Variants in MAML3 observed in about 807,000 individuals in gnomAD.
MAML3 encodes mastermind like transcriptional coactivator 3.
In MAML3, 27 loss-of-function variants were observed where a neutral mutation model predicts 101.9. The observed-to-expected ratio is 0.27, with a 90% CI of 0.20 to 0.37. The LOEUF is 0.37. MAML3 is among the 10% of genes least tolerant of loss of function. The pLI is 1.00. For missense variants in MAML3, 1,316 were observed against 1,444.9 expected, an observed-to-expected ratio of 0.91 and a Z score of 1.45; for synonymous variants, 501 against 555.9, an observed-to-expected ratio of 0.90 and a Z score of 1.39.
chr4:139,775,366 C>T lies in MAML3; in HGVS notation c.2080-44699G>A, dbSNP rs1430997149. Among the ~76,000 whole-genome samples, 3 of 152,098 alleles carry T rather than the reference C, an allele frequency of 2.0e-5. No homozygotes were observed. The East Asian group carries it at 5.8e-4, about 29-fold the overall frequency. Reference sequence around the variant, plus strand: ...GTGGGGTACAAAGGATGAGAGTAACCCTTCAATAGAGCGCACCCTCTGTGG... The same window carrying T: ...GTGGGGTACAAAGGATGAGAGTAACTCTTCAATAGAGCGCACCCTCTGTGG... On this transcript the variant is annotated intron_variant, in intron 2 of 4. Coordinates refer to ENST00000509479, the MANE Select transcript of MAML3 (RefSeq NM_018717.5).
chr4:139,995,341 T>C (rs751490488), intron 1 of MAML3, among the ~76,000 whole-genome samples: 2 of 152,194 alleles, frequency 1.3e-5, no homozygotes, highest in Non-Finnish European at 2.9e-5. Context: ...CATGAGGACA[T>C]TCTTGTAATA....
intron 1 of MAML3, among the ~76,000 whole-genome samples, chr4:139,944,181 T>C (rs1242588471): frequency 6.8e-6 from 1 of 147,744 alleles, no homozygotes; most frequent in Non-Finnish European, 1.5e-5. Context: ...AAAGACAACA[T>C]TTTTTTTTTT....
At chr4:139,851,836 G>C (rs1172558626) in intron 2 of MAML3, among the ~76,000 whole-genome samples, 1 of 152,190 alleles carries the variant, frequency 6.6e-6, no homozygotes, top group Non-Finnish European at 1.5e-5. Context: ...AGTGTGAAGG[G>C]ATGTTCCTGC....
At chr4:140,037,108 G>A (rs543695717) in intron 1 of MAML3, among the ~76,000 whole-genome samples, 1 of 151,326 alleles carries the variant, frequency 6.6e-6, no homozygotes, top group East Asian at 2.0e-4. Context: ...GTCCACTGAC[G>A]ATCATATAAC....
intron 1 of MAML3, among the ~76,000 whole-genome samples, chr4:139,948,575 A>AT (rs1209165196): frequency 2.0e-5 from 3 of 152,240 alleles, no homozygotes; most frequent in African/African-American, 7.2e-5. Flanking sequence ...ATGTAAGAGG[A>AT]TTATGAACCG....
intron 1 of MAML3, among the ~76,000 whole-genome samples, chr4:140,149,218 A>G (rs1729115725): frequency 6.6e-6 from 1 of 152,174 alleles, no homozygotes. Flanking sequence ...CTTTGAGGGG[A>G]AGAAAAAAAC....
chr4:139,851,229 A>G (rs897207788), intron 2 of MAML3, among the ~76,000 whole-genome samples: 2 of 152,250 alleles, frequency 1.3e-5, no homozygotes, highest in Non-Finnish European at 2.9e-5. Context: ...ACAGCATGAC[A>G]GTATGACCAT....
At chr4:139,919,803 T>C (rs1040353869) in intron 1 of MAML3, among the ~76,000 whole-genome samples, 13 of 152,242 alleles carry the variant, frequency 8.5e-5, no homozygotes, top group African/African-American at 3.1e-4. Context: ...GGTAAAGTCA[T>C]GTAAACGACA....
At chr4:139,984,091 A>G (rs1287058757) in intron 1 of MAML3, among the ~76,000 whole-genome samples, 1 of 152,182 alleles carries the variant, frequency 6.6e-6, no homozygotes, top group Non-Finnish European at 1.5e-5. Context: ...TGGGGTCCAC[A>G]GATGGGATGA....
intron 1 of MAML3, among the ~76,000 whole-genome samples, chr4:140,023,945 A>G (rs1258642919): frequency 6.6e-6 from 1 of 152,210 alleles, no homozygotes; most frequent in Non-Finnish European, 1.5e-5. Flanking sequence ...GGAAAGTACT[A>G]CCTCTCTACA....
intron 1 of MAML3, among the ~76,000 whole-genome samples, chr4:140,059,038 A>C (rs892052010): frequency 2.6e-5 from 4 of 152,116 alleles, no homozygotes; most frequent in African/African-American, 4.8e-5. Context: ...TTTCAATGTG[A>C]TTTCACTTTT....
chr4:139,805,266 A>G lies in MAML3; in HGVS notation c.2080-74599T>C, dbSNP rs183816676. On this transcript the variant is annotated intron_variant, in intron 2 of 4. Transcript: ENST00000509479. ...TGTTTATGCAATGACTAAAAGTGGT[A>G]TGTTATTAGGAATAGTCACTGATGG... 1.8e-4 allele frequency among the ~76,000 whole-genome samples: 27 copies of G among 152,352 alleles called. No homozygotes were observed. In the East Asian group the frequency reaches 4.6e-3, roughly 26 times the overall value.
At chr4:139,761,321 G>A (rs2063473) in intron 2 of MAML3, among the ~76,000 whole-genome samples, 38 of 152,236 alleles carry the variant, frequency 2.5e-4, no homozygotes, top group East Asian at 3.9e-4. Context: ...AAAACTTTTC[G>A]ACAGAATGGA....
chr4:140,101,421 A>C (rs1017230771), intron 1 of MAML3, among the ~76,000 whole-genome samples: 2 of 152,210 alleles, frequency 1.3e-5, no homozygotes, highest in African/African-American at 4.8e-5. Flanking sequence ...GTTGTAATGC[A>C]CTTGTGTAAT....
chr4:139,842,542 A>G (rs1474970292), intron 2 of MAML3, among the ~76,000 whole-genome samples: 2 of 139,262 alleles, frequency 1.4e-5, no homozygotes, highest in Non-Finnish European at 3.1e-5. Flanking sequence ...GTTTTGAGAC[A>G]GGATCTTGCT....
chr4:139,739,179 A>G (rs753868849), intron 2 of MAML3, among the ~76,000 whole-genome samples: 7 of 152,226 alleles, frequency 4.6e-5, no homozygotes, highest in Non-Finnish European at 1.0e-4. Flanking sequence ...TGGAGATGAC[A>G]AAATGATGGC....
chr4:139,893,962 G>C (rs901890334), intron 1 of MAML3, among the ~76,000 whole-genome samples: 1 of 152,062 alleles, frequency 6.6e-6, no homozygotes, highest in African/African-American at 2.4e-5. Flanking sequence ...AAGACAGAAT[G>C]ACAGGGTAGG....
At chr4:140,072,142 A>G (rs1197172029) in intron 1 of MAML3, among the ~76,000 whole-genome samples, 1 of 152,110 alleles carries the variant, frequency 6.6e-6, no homozygotes, top group East Asian at 1.9e-4. Flanking sequence ...AGCTGCCATA[A>G]TCCTTCCTTC....
chr4:139,899,018 C>A (rs1394065559), intron 1 of MAML3, among the ~76,000 whole-genome samples: 1 of 152,200 alleles, frequency 6.6e-6, no homozygotes, highest in East Asian at 1.9e-4. Flanking sequence ...CTTGATCCCA[C>A]CTTCATAGTT....
Sources: gnomAD v4.1 joint callset for allele counts (sites outside exome capture counted in the v4.1 genomes callset) on GRCh38, gnomAD v4.1.1 for gene constraint, MANE v1.5 for transcripts, NCBI Gene and HGNC (gene_info 2026-07-23, HGNC 2026-07-21) for gene names.